CUBN: variants seen among roughly 807,000 people sequenced by gnomAD.
The protein encoded by CUBN is cubilin.
A neutral mutation model predicts 405.3 loss-of-function variants in CUBN; 282 were observed. The ratio of observed to expected loss-of-function variants is 0.70; its 90% CI spans 0.63 to 0.77. The LOEUF is 0.77. CUBN is among the 30% of genes least tolerant of loss of function. The pLI is 0.00. For missense variants in CUBN, 4,514 were observed against 4,475.2 expected (o/e 1.01, Z -0.25); for synonymous variants, 1,684 against 1,617.0 (o/e 1.04, Z -0.99).
chr10:17,014,991 T>C (rs1834289142), intron 28 of CUBN, among the ~76,000 whole-genome samples: 2 of 152,152 alleles, frequency 1.3e-5, no homozygotes, highest in Admixed American at 6.5e-5. Context: ...GTACAGGGGT[T>C]CAGTACAACT....
chr10:17,042,834 G>T (rs1016941139), intron 26 of CUBN, among the ~76,000 whole-genome samples: 2 of 152,094 alleles, frequency 1.3e-5, no homozygotes, highest in Non-Finnish European at 1.5e-5. Context: ...AAGGGATATT[G>T]TGTATACAGT....
intron 55 of CUBN, 151 bp from the exon 56 acceptor site, chr10:16,888,717 T>C (rs1292731480): frequency 8.3e-6 from 6 of 719,382 alleles, no homozygotes; most frequent in Non-Finnish European, 1.5e-5. Context: ...AGAATAAAGC[T>C]CTGATTTAAA....
intron 28 of CUBN, among the ~76,000 whole-genome samples, chr10:16,993,306 T>C (rs1351681441): frequency 6.6e-6 from 1 of 152,254 alleles, no homozygotes; most frequent in Non-Finnish European, 1.5e-5. Flanking sequence ...CATTCGTTCA[T>C]CAGCCAATCT....
chr10:16,942,889 G>A (rs906348094), intron 36 of CUBN, among the ~76,000 whole-genome samples: 32 of 151,440 alleles, frequency 2.1e-4, no homozygotes, highest in Admixed American at 2.0e-3. Context: ...GGAGGGGAAC[G>A]GAAGGCAAGG....
chr10:16,848,282 T>C (rs1839579000), intron 60 of CUBN, among the ~76,000 whole-genome samples: 1 of 152,212 alleles, frequency 6.6e-6, no homozygotes, highest in African/African-American at 2.4e-5. Flanking sequence ...CAAATCATTC[T>C]ATAAGAATTT....
At chr10:16,948,347 G>A in intron 35 of CUBN, 131 bp downstream of exon 35, 2 of 1,112,002 alleles carry the variant, frequency 1.8e-6, no homozygotes, top group East Asian at 2.5e-5. Context: ...TTGGGAAGAA[G>A]GTAAGATTTG....
rs199555284 is a variant in CUBN, at chr10:17,041,931, AGTAT to A, written c.3830-715_3830-712del. Among the ~76,000 whole-genome samples the A allele has an allele frequency of 3.6e-3, 541 of 152,304 alleles. 7 individuals carry two copies. The highest frequency in any genetic ancestry group is 0.013 in the African/African-American group (522 of 41,576). On this transcript the variant is annotated intron_variant, in intron 26 of 66. Coordinates refer to ENST00000377833, the MANE Select transcript of CUBN (RefSeq NM_001081.4). Reference sequence around the variant, plus strand: ...AACAAAACCAAACCAGATACCTCTAAGTATGTCTAATCCTGGGTGCCCAGTTCAG... The same window carrying A: ...AACAAAACCAAACCAGATACCTCTAAGTCTAATCCTGGGTGCCCAGTTCAG...
chr10:16,901,220 T>C lies in CUBN; in HGVS notation c.8184+118A>G. 5.1e-6 allele frequency: 7 copies of C among 1,367,292 alleles called. 1 individual carries two copies. The highest frequency in any genetic ancestry group is 2.9e-5 in the African/African-American group (2 of 70,158). The allele number at this position is 1,367,292 out of a possible 1,614,324, so 84.7% of individuals were successfully genotyped here. On this transcript the variant is annotated intron_variant, in intron 52 of 66. Coordinates refer to ENST00000377833, the MANE Select transcript of CUBN (RefSeq NM_001081.4). Reference sequence around the variant, plus strand: ...ATGTTAGGGAAAAACAGTGATCTCATTGTAGAATCAAAGCCTTCTCTAATC... The same window carrying C: ...ATGTTAGGGAAAAACAGTGATCTCACTGTAGAATCAAAGCCTTCTCTAATC...
chr10:17,028,962 G>A (rs138284545), intron 27 of CUBN, among the ~76,000 whole-genome samples: 9 of 152,334 alleles, frequency 5.9e-5, no homozygotes, highest in African/African-American at 2.2e-4. Flanking sequence ...CTGTCTGATA[G>A]TGGAAGAGAC....
At chr10:16,949,434 G>GGTGTGTGTGT (rs59878960) in intron 34 of CUBN, among the ~76,000 whole-genome samples, 6 of 108,864 alleles carry the variant, frequency 5.5e-5, no homozygotes, top group African/African-American at 2.1e-4. Flanking sequence ...TAAATGGCCT[G>GGTGTGTGTGT]GTGTGTGTGT....
At chr10:17,100,314 C>T in intron 13 of CUBN, 75 bp from the exon 14 acceptor site, 1 of 1,005,224 alleles carries the variant, frequency 9.9e-7, no homozygotes, top group Non-Finnish European at 1.5e-6. Context: ...ACTTCCTAGG[C>T]AGCATTCATA....
chr10:16,908,702 GT>G (rs760969536), intron 48 of CUBN, among the ~76,000 whole-genome samples: 115 of 151,706 alleles, frequency 7.6e-4, no homozygotes, highest in Non-Finnish European at 1.4e-3. Context: ...GGTTTTCACA[GT>G]TCAAAAAAAA....
At position 16,923,464 on chromosome 10, in the gene CUBN, T is replaced by C. The variant is rs554733161; in HGVS notation, c.6646+1777A>G. 1.2e-4 allele frequency among the ~76,000 whole-genome samples: 18 copies of C among 152,242 alleles called. No homozygotes were observed. The South Asian group carries it at 3.1e-3, about 26-fold the overall frequency. Reference sequence around the variant, plus strand: ...TAGATATGGTGGGAAGATAGCCAGATAGACGTGGGAAGTAGAAGGCTGGCT... The same window carrying C: ...TAGATATGGTGGGAAGATAGCCAGACAGACGTGGGAAGTAGAAGGCTGGCT... On this transcript the variant is annotated intron_variant, in intron 43 of 66. Transcript: ENST00000377833.
At chr10:16,906,100 C>T in intron 50 of CUBN, 103 bp downstream of exon 50, 1 of 947,810 alleles carries the variant, frequency 1.1e-6, no homozygotes, top group Non-Finnish European at 1.7e-6. Context: ...GGCAAGAGAG[C>T]AAGCTCCTGT....
intron 19 of CUBN, among the ~76,000 whole-genome samples, chr10:17,070,750 T>G (rs1835721843): frequency 6.6e-6 from 1 of 152,172 alleles, no homozygotes; most frequent in East Asian, 1.9e-4. Flanking sequence ...TTCTAATAGT[T>G]TTTTATGTGT....
At position 16,824,095 on chromosome 10, in the gene CUBN, G is replaced by A. The variant is rs1469010425; in HGVS notation, c.*880C>T. The A allele has an allele frequency of 1.3e-5, 2 of 152,132 alleles. No individual in the cohort carries two copies. Among genetic ancestry groups the A allele is most frequent in the East Asian group, 1.9e-4 (1 of 5,200 alleles). 9.4% of individuals were successfully genotyped at this position (152,132 alleles called of 1,614,324 possible). The stretch of plus-strand genomic sequence containing the variant: ...GATAGGGTCTCAGTCTGTCACCCAG[G>A]CTGGAGTACAGTGGTTAATTCACAG... On this transcript the variant is annotated 3_prime_UTR_variant, in exon 67 of 67. Transcript: ENST00000377833.
intron 45 of CUBN, among the ~76,000 whole-genome samples, chr10:16,917,922 C>T (rs1465606967): frequency 3.9e-5 from 6 of 151,918 alleles, no homozygotes; most frequent in Admixed American, 6.6e-5. Context: ...TTTATAGTTT[C>T]GTGTTTTACA....
intron 36 of CUBN, among the ~76,000 whole-genome samples, chr10:16,944,426 TC>T (rs1384968234): frequency 6.6e-6 from 1 of 152,228 alleles, no homozygotes; most frequent in Non-Finnish European, 1.5e-5. Flanking sequence ...CCATAATTTC[TC>T]CAGTCTTCTT....
rs201661017 is a variant in CUBN at position 16,948,595 on chromosome 10, C to T, written c.5092G>A (p.Gly1698Ser). The T allele has an allele frequency of 2.8e-5, 45 of 1,613,804 alleles. No homozygotes were observed. The South Asian group carries it at 4.4e-4, about 16-fold the overall frequency. ...EDAPLRGRYCGTDMPHPITSF... is the reference protein window; with the variant it reads ...EDAPLRGRYCSTDMPHPITSF... ...GTGATAGGATGGGGCATGTCGGTGC[C>T]ACAGTAACGGCCTAAATAATGAAGA... is the stretch of plus-strand genomic sequence containing the variant. Residue 1698 changes from glycine to serine, a missense_variant, in exon 35 of 67, where the codon GGC becomes AGC. This residue lies in a region of CUBN where 1,613 missense variants were observed against 1,542.8 expected (regional missense o/e 1.05). Coordinates refer to ENST00000377833, the MANE Select transcript of CUBN (RefSeq NM_001081.4).
Sources: allele counts gnomAD v4.1 joint callset (sites outside exome capture counted in the v4.1 genomes callset), GRCh38; gene constraint gnomAD v4.1.1; regional missense constraint gnomAD v4.1.1; transcripts MANE v1.5; gene names NCBI Gene and HGNC (gene_info 2026-07-23, HGNC 2026-07-21).